SEMA3A: variants seen among roughly 807,000 people sequenced by gnomAD.
SEMA3A encodes semaphorin 3A, also known as semaphorin-3A.
In SEMA3A, 29 loss-of-function variants were observed where a neutral mutation model predicts 97.9. The ratio of observed to expected loss-of-function variants is 0.30; its 90% CI spans 0.22 to 0.40. SEMA3A has a LOEUF of 0.40. SEMA3A is among the 10% of genes least tolerant of loss of function. SEMA3A has a pLI of 1.00. For synonymous variants in SEMA3A, 321 were observed against 323.7 expected (o/e 0.99, Z 0.09); for missense variants, 763 against 951.3 (o/e 0.80, Z 2.60).
chr7:84,280,570 G>A (rs1161114104), intron 3 of SEMA3A, among the ~76,000 whole-genome samples: 2 of 152,062 alleles, frequency 1.3e-5, no homozygotes, highest in African/African-American at 4.8e-5. Flanking sequence ...TGTCACCTAA[G>A]TTCAGGAGTT....
chr7:84,373,431 A>G (rs1030196040), intron 1 of SEMA3A, among the ~76,000 whole-genome samples: 1 of 152,230 alleles, frequency 6.6e-6, no homozygotes, highest in Admixed American at 6.6e-5. Flanking sequence ...AACAAAAAGC[A>G]AATAGGGTCA....
At position 84,023,884 on chromosome 7, in the gene SEMA3A, T is replaced by C. The variant is rs559335242; in HGVS notation, c.668-9533A>G. Among the ~76,000 whole-genome samples the C allele has an allele frequency of 5.9e-3, 899 of 151,780 alleles. 7 individuals carry two copies. Among genetic ancestry groups the C allele is most frequent in the African/African-American group, 0.021 (853 of 41,424 alleles). ...AAAGTTAGCCGGGTGTGGTGGCGGGTACCTGTAGTCCCAGCTACTCGGGAG... is the reference window on the plus strand; with the variant it reads ...AAAGTTAGCCGGGTGTGGTGGCGGGCACCTGTAGTCCCAGCTACTCGGGAG... On this transcript the variant is annotated intron_variant, in intron 6 of 16. Coordinates refer to ENST00000265362, the MANE Select transcript of SEMA3A (RefSeq NM_006080.3).
At position 84,206,070 on chromosome 7, in the gene SEMA3A, A is replaced by G. The variant is rs562144526; in HGVS notation, c.-82-11402T>C. Among the ~76,000 whole-genome samples, 4 of 152,284 alleles carry G rather than the reference A, an allele frequency of 2.6e-5. No homozygotes were observed. The East Asian group carries it at 7.7e-4, about 29-fold the overall frequency. On this transcript the variant is annotated intron_variant, in intron 3 of 3. Transcript: ENST00000424555. Reference sequence around the variant, plus strand: ...AGATGCAGGATGTGGCACTTCAGCTATCTAACAGTGACGGGCTGTTTGCAA... The same window carrying G: ...AGATGCAGGATGTGGCACTTCAGCTGTCTAACAGTGACGGGCTGTTTGCAA...
At chr7:84,143,966 C>G (rs1009105335) in intron 1 of SEMA3A, among the ~76,000 whole-genome samples, 2 of 148,078 alleles carry the variant, frequency 1.4e-5, no homozygotes, top group African/African-American at 5.0e-5. Context: ...CACACACACA[C>G]ACACACACAC....
intron 2 of SEMA3A, among the ~76,000 whole-genome samples, chr7:84,358,259 T>C (rs1802620214): frequency 1.3e-5 from 2 of 152,204 alleles, no homozygotes; most frequent in Admixed American, 6.5e-5. Flanking sequence ...CTAGGGTTTT[T>C]ATGGTTTCAG....
chr7:84,250,457 T>C (rs1436700816), intron 3 of SEMA3A, among the ~76,000 whole-genome samples: 1 of 152,146 alleles, frequency 6.6e-6, no homozygotes, highest in Non-Finnish European at 1.5e-5. Flanking sequence ...CCTCTTTACC[T>C]TTAGCAGGGG....
chr7:84,315,142 A>G (rs1218550899), intron 2 of SEMA3A, among the ~76,000 whole-genome samples: 1 of 152,008 alleles, frequency 6.6e-6, no homozygotes, highest in Non-Finnish European at 1.5e-5. Context: ...AAGATTAAAC[A>G]TTGTATCAAG....
rs1339220760 is a variant in SEMA3A, at chr7:84,313,352, GTGTGTATA to G, written c.-168-6068_-168-6061del. 5.1e-3 allele frequency among the ~76,000 whole-genome samples: 429 copies of G among 83,388 alleles called. 24 individuals carry two copies. Among genetic ancestry groups the G allele is most frequent in the African/African-American group, 8.0e-3 (149 of 18,538 alleles). 54.7% of individuals were successfully genotyped at this position (83,388 alleles called of 152,430 possible). Reference sequence around the variant, plus strand: ...TACATATATATATATGTATATGTGTGTGTGTATATATATATATATATATATATATATAT... The same window carrying G: ...TACATATATATATATGTATATGTGTGTATATATATATATATATATATATAT... On this transcript the variant is annotated intron_variant, in intron 2 of 3. Transcript: ENST00000424555.
chr7:84,350,564 T>C (rs58758493), intron 2 of SEMA3A, among the ~76,000 whole-genome samples: 1 of 152,298 alleles, frequency 6.6e-6, no homozygotes, highest in East Asian at 1.9e-4. Context: ...TTGCATTCCA[T>C]ATTTTCTTGT....
At chr7:83,967,003 G>A (rs751626409) in intron 15 of SEMA3A, among the ~76,000 whole-genome samples, 53 of 152,084 alleles carry the variant, frequency 3.5e-4, no homozygotes, top group Admixed American at 3.3e-4. Flanking sequence ...GAGCCACCGC[G>A]CCCGGCCAAA....
upstream of SEMA3A, chr7:84,195,024 A>AGAGAAAGAGAGAG: frequency 7.1e-6 from 1 of 140,566 alleles, no homozygotes; most frequent in Non-Finnish European, 1.5e-5. Flanking sequence ...GAGAGAGAGA[A>AGAGAAAGAGAGAG]AGAGAGAGAG....
intron 12 of SEMA3A, among the ~76,000 whole-genome samples, chr7:83,997,561 A>G (rs1054378709): frequency 2.0e-5 from 3 of 152,158 alleles, no homozygotes; most frequent in Admixed American, 2.0e-4. Flanking sequence ...CCAAAGAAAT[A>G]ATAATGACAA....
chr7:84,211,098 C>T (rs1368565213), intron 3 of SEMA3A, among the ~76,000 whole-genome samples: 1 of 152,074 alleles, frequency 6.6e-6, no homozygotes, highest in East Asian at 1.9e-4. Flanking sequence ...TAGGCAGATT[C>T]TACTTAGCCA....
intron 2 of SEMA3A, among the ~76,000 whole-genome samples, chr7:84,313,515 AATT>A (rs1177272956): frequency 1.3e-5 from 2 of 149,842 alleles, no homozygotes; most frequent in African/African-American, 4.9e-5. Flanking sequence ...CCTATTCTAA[AATT>A]ATTTGCAGTA....
At chr7:84,412,792 C>A (rs1378657071) in intron 1 of SEMA3A, among the ~76,000 whole-genome samples, 2 of 152,078 alleles carry the variant, frequency 1.3e-5, no homozygotes, top group Admixed American at 1.3e-4. Context: ...CAGAAGCAAA[C>A]ACTATGGTTG....
chr7:84,210,161 T>C (rs976773138), intron 3 of SEMA3A, among the ~76,000 whole-genome samples: 55 of 152,202 alleles, frequency 3.6e-4, no homozygotes, highest in Non-Finnish European at 7.1e-4. Context: ...AAGTATTTTT[T>C]TTGTGGGGAA....
At chr7:84,323,105 G>A (rs1801689991) in intron 2 of SEMA3A, among the ~76,000 whole-genome samples, 1 of 152,156 alleles carries the variant, frequency 6.6e-6, no homozygotes, top group Non-Finnish European at 1.5e-5. Context: ...AAATGAACAT[G>A]ATCAAATACT....
At chr7:84,107,599 C>T (rs569675326) in intron 4 of SEMA3A, among the ~76,000 whole-genome samples, 2 of 152,094 alleles carry the variant, frequency 1.3e-5, no homozygotes, top group African/African-American at 4.8e-5. Context: ...AATGCTCGGG[C>T]GGGAAGCTTT....
intron 15 of SEMA3A, among the ~76,000 whole-genome samples, chr7:83,966,958 G>A (rs1429778290): frequency 6.6e-6 from 1 of 152,022 alleles, no homozygotes; most frequent in East Asian, 1.9e-4. Context: ...TGATTCGCCC[G>A]CCTCGGCCTC....
Sources: gnomAD v4.1 joint callset for allele counts (sites outside exome capture counted in the v4.1 genomes callset) on GRCh38, gnomAD v4.1.1 for gene constraint, MANE v1.5 for transcripts, NCBI Gene and HGNC (gene_info 2026-07-23, HGNC 2026-07-21) for gene names.